Variants in IL7 observed in about 807,000 individuals in gnomAD.
The protein encoded by IL7 is interleukin 7.
IL7 carries 3 observed loss-of-function variants against 21.6 expected under a neutral mutation model. The ratio of observed to expected loss-of-function variants is 0.14; its 90% CI spans 0.06 to 0.36. The LOEUF is 0.36. Among genes scored for constraint, IL7 ranks in the 10% least tolerant of loss-of-function variants. The pLI is 1.00. For synonymous variants in IL7, 62 were observed against 68.1 expected, an observed-to-expected ratio of 0.91 and a Z score of 0.44; for missense variants, 175 against 200.2, an observed-to-expected ratio of 0.87 and a Z score of 0.76.
At position 78,772,201 on chromosome 8, in the gene IL7, C is replaced by A. The variant is rs1377255934; in HGVS notation, c.147+25871G>T. Among the ~76,000 whole-genome samples the A allele has an allele frequency of 2.0e-5, 3 of 152,074 alleles. No homozygotes were observed. In the East Asian group the frequency reaches 5.8e-4, roughly 29 times the overall value. The stretch of plus-strand genomic sequence containing the variant: ...TACAAAGCCCATGCTTTTTCTATTA[C>A]CCGAATTTGTCATATAAGTAATGTG... On this transcript the variant is annotated intron_variant, in intron 2 of 5. Coordinates refer to ENST00000263851, the MANE Select transcript of IL7 (RefSeq NM_000880.4).
intron 3 of IL7, among the ~76,000 whole-genome samples, 170 bp from the exon 4 acceptor site, chr8:78,738,805 G>T (rs1025237066): frequency 6.6e-6 from 1 of 152,116 alleles, no homozygotes. Flanking sequence ...AACTAAAACT[G>T]TTTGGCTCCT....
chr8:78,678,731 A>C, intron 4 of IL7: 1 of 1,239,616 alleles, frequency 8.1e-7, no homozygotes, highest in Middle Eastern at 2.0e-4. Context: ...TGTATGTTGA[A>C]AAATATTATA....
At chr8:78,719,430 T>TA (rs1485107392) in intron 5 of IL7, 1 of 151,762 alleles carries the variant, frequency 6.6e-6, no homozygotes, top group Admixed American at 6.6e-5. Context: ...ATTTATGACT[T>TA]ACGAAATATG....
intron 3 of IL7, chr8:78,689,150 G>C: frequency 8.4e-7 from 1 of 1,187,964 alleles, no homozygotes; most frequent in African/African-American, 1.6e-5. Context: ...TGACTGCATA[G>C]AAACTTAAGA....
At chr8:78,705,739 G>A (rs921199064) in intron 3 of IL7, among the ~76,000 whole-genome samples, 11 of 152,156 alleles carry the variant, frequency 7.2e-5, no homozygotes, top group Admixed American at 7.2e-4. Context: ...CTATCCCAGG[G>A]ACTTTGCAAA....
At chr8:78,703,738 T>C (rs1461189371) in intron 3 of IL7, among the ~76,000 whole-genome samples, 1 of 152,162 alleles carries the variant, frequency 6.6e-6, no homozygotes, top group Admixed American at 6.5e-5. Context: ...TCAAAATACT[T>C]GCCACTCTGT....
intron 2 of IL7, chr8:78,762,262 A>G (rs1310644682): frequency 1.4e-5 from 22 of 1,579,570 alleles, no homozygotes; most frequent in South Asian, 2.2e-5. Context: ...CACATAATCG[A>G]TAATGTTTAT....
chr8:78,746,868 G>A, intron 2 of IL7: 1 of 352,390 alleles, frequency 2.8e-6, no homozygotes, highest in South Asian at 2.2e-5. Flanking sequence ...CAAAGGTAAT[G>A]AAATGAAACA....
intron 2 of IL7, among the ~76,000 whole-genome samples, chr8:78,794,418 G>A (rs897930127): frequency 6.6e-6 from 1 of 152,106 alleles, no homozygotes; most frequent in African/African-American, 2.4e-5. Flanking sequence ...TTGTCAATGA[G>A]CAGTAATATT....
chr8:78,783,713 A>AC (rs1407967207), intron 2 of IL7, among the ~76,000 whole-genome samples: 1 of 152,212 alleles, frequency 6.6e-6, no homozygotes, highest in African/African-American at 2.4e-5. Flanking sequence ...TATCAATTTC[A>AC]ACTATATAAC....
downstream of IL7, chr8:78,717,333 A>G: frequency 1.2e-6 from 2 of 1,606,924 alleles, no homozygotes; most frequent in Middle Eastern, 1.7e-4. Context: ...TTTAGGCCAG[A>G]TGGGGACTGT....
chr8:78,732,916 T>C lies in IL7; in HGVS notation c.*797A>G, dbSNP rs1259775803. The stretch of plus-strand genomic sequence containing the variant: ...CATTAATTAAAAGGTAAACATATAT[T>C]ATTATCTTAAAAATATATCTCCCAA... On this transcript the variant is annotated 3_prime_UTR_variant, in exon 6 of 6. Coordinates refer to ENST00000263851, the MANE Select transcript of IL7 (RefSeq NM_000880.4). 3 of 151,770 alleles carry C rather than the reference T, an allele frequency of 2.0e-5. No homozygotes were observed. The highest frequency in any genetic ancestry group is 1.3e-4 in the Admixed American group (2 of 15,204). The allele number at this position is 151,770 out of a possible 1,614,324, so 9.4% of individuals were successfully genotyped here. A position where few individuals can be genotyped will look rare whatever the true frequency, so the allele number is the denominator to read the frequency against.
chr8:78,714,512 C>T (rs1811039018), downstream of IL7, among the ~76,000 whole-genome samples: 1 of 152,070 alleles, frequency 6.6e-6, no homozygotes, highest in Admixed American at 6.5e-5. Flanking sequence ...CTTGCTGTCA[C>T]AAAGCTGTCA....
At chr8:78,798,544 C>T (rs1349964835) in intron 1 of IL7, among the ~76,000 whole-genome samples, 1 of 151,976 alleles carries the variant, frequency 6.6e-6, no homozygotes, top group Non-Finnish European at 1.5e-5. Context: ...AAGGCATATA[C>T]AGGTAAAGAG....
intron 3 of IL7, among the ~76,000 whole-genome samples, chr8:78,696,224 C>T (rs527721057): frequency 2.5e-4 from 38 of 152,090 alleles, no homozygotes; most frequent in African/African-American, 7.5e-4. Flanking sequence ...TTAGTAGAGA[C>T]GGGGTTTCAC....
At chr8:78,762,691 G>A (rs541351878) in intron 2 of IL7, among the ~76,000 whole-genome samples, 5 of 150,800 alleles carry the variant, frequency 3.3e-5, no homozygotes, top group African/African-American at 1.2e-4. Flanking sequence ...ATTTGTATCT[G>A]TGTCCTCTTG....
At chr8:78,726,131 A>G (rs1042033030) in intron 3 of IL7, among the ~76,000 whole-genome samples, 1 of 151,964 alleles carries the variant, frequency 6.6e-6, no homozygotes, top group Admixed American at 6.6e-5. Flanking sequence ...AATTTTAGAT[A>G]GAGTGTTCAG....
intron 1 of IL7, 125 bp downstream of exon 1, chr8:78,804,788 G>T (rs891426122): frequency 5.7e-6 from 6 of 1,061,276 alleles, no homozygotes; most frequent in African/African-American, 1.6e-5. Context: ...AGTGCTCTCC[G>T]CAGGTCCAAA....
At chr8:78,782,665 C>T (rs1249274801) in intron 2 of IL7, among the ~76,000 whole-genome samples, 1 of 151,980 alleles carries the variant, frequency 6.6e-6, no homozygotes, top group Admixed American at 6.6e-5. Flanking sequence ...ATCTGGTGAC[C>T]CCTGTTGGGG....
Sources: allele counts gnomAD v4.1 joint callset (sites outside exome capture counted in the v4.1 genomes callset), GRCh38; gene constraint gnomAD v4.1.1; transcripts MANE v1.5; gene names NCBI Gene and HGNC (gene_info 2026-07-23, HGNC 2026-07-21).